Variants in COL6A3 observed in about 807,000 individuals in gnomAD.
The protein encoded by COL6A3 is collagen type VI alpha 3 chain, also known as collagen alpha-3(VI) chain.
In COL6A3, 137 loss-of-function variants were observed where a neutral mutation model predicts 274.1. That is an observed-to-expected ratio of 0.50 (90% CI 0.44 to 0.58). The LOEUF is 0.58. Ranked by LOEUF, COL6A3 falls within the 20% of genes least tolerant of loss-of-function variation. The pLI is 0.00. For synonymous variants in COL6A3, 1,650 were observed against 1,650.6 expected, an observed-to-expected ratio of 1.00 and a Z score of 0.01; for missense variants, 3,950 against 4,124.9, an observed-to-expected ratio of 0.96 and a Z score of 1.16.
Position 237,368,934 on chromosome 2 carries a change from C to G in COL6A3, c.4529G>C (p.Gly1510Ala), listed in dbSNP as rs750636146. 1.2e-6 allele frequency: 2 copies of G among 1,614,090 alleles called. No homozygotes were observed. Among genetic ancestry groups the G allele is most frequent in the Non-Finnish European group, 8.5e-7 (1 of 1,180,038 alleles). Residue 1510 changes from glycine to alanine, a missense_variant, in exon 10 of 44, where the codon GGG becomes GCG. Physicochemically the swap from Gly to Ala is moderately conservative, Grantham distance 60. This residue lies in a region of COL6A3 where 1,934 missense variants were observed against 1,984.3 expected (regional missense o/e 0.97). Transcript: ENST00000295550. This position sits in a 1 kb window ranked among gnomAD's most constrained non-coding sequence, Gnocchi z 4.4. ...CTTGCCAGTGTTCAGTGGGGACCCCCCTCTGAGCCTCAGGCGCCGTATGGC... is the reference window on the plus strand; with the variant it reads ...CTTGCCAGTGTTCAGTGGGGACCCCGCTCTGAGCCTCAGGCGCCGTATGGC... ...LDAIRRLRLR[G>A]GSPLNTGKAL...
Position 237,336,677 on chromosome 2 carries a change from A to C in COL6A3, c.8568-145T>G, listed in dbSNP as rs1700569984. The C allele has an allele frequency of 5.3e-6, 4 of 760,656 alleles. No individual in the cohort carries two copies. In the East Asian group the frequency reaches 1.1e-4, roughly 21 times the overall value. 47.1% of individuals were successfully genotyped at this position (760,656 alleles called of 1,614,324 possible). A position where few individuals can be genotyped will look rare whatever the true frequency, so the allele number is the denominator to read the frequency against. ...ATTATGTATAGCAGTGCATATATTA[A>C]ATTCCTTCTTTTAAGGATCTGTGCC... is the stretch of plus-strand genomic sequence containing the variant. On this transcript the variant is annotated intron_variant, in intron 39 of 43. Transcript: ENST00000295550.
In COL6A3 at chr2:237,336,177, C is replaced by T; in HGVS notation, c.8923G>A (p.Ala2975Thr). The change falls in exon 40 of 44, where the codon GCC becomes ACC. Residue 2975 changes from alanine (A) to threonine (T), a missense_variant. Physicochemically the swap from Ala to Thr is moderately conservative, Grantham distance 58. This residue lies in a region of COL6A3 where 1,284 missense variants were observed against 1,349.7 expected (regional missense o/e 0.95). Transcript: ENST00000295550. ...TKPEVPRPQA[A>T]KPAATKPATT... ...GCTGGCTTGGTGGCAGCTGGTTTGG[C>T]TGCCTGTGGCCTAGGGACCTCAGGC... 1 of 1,613,536 alleles carries T rather than the reference C, an allele frequency of 6.2e-7. No homozygotes were observed. Among genetic ancestry groups the T allele is most frequent in the Non-Finnish European group, 8.5e-7 (1 of 1,179,980 alleles).
chr2:237,381,447 T>G lies in COL6A3; in HGVS notation c.1365A>C (p.Ala455=). Residue 455 remains alanine, a synonymous_variant, in exon 5 of 44, where the codon GCA becomes GCC. Transcript: ENST00000295550. ...DIVFLVDGSS[A]LGLANFNAIR... ...TGGCATTGAAGTTGGCCAGTCCCAG[T>G]GCAGATGAGCCATCCACCAGGAAGA... 6.2e-7 allele frequency: 1 copy of G among 1,610,066 alleles called. No homozygotes were observed.
In COL6A3 at chr2:237,354,912, G is replaced by T. The variant is rs1413329161; in HGVS notation, c.6614C>A (p.Pro2205His). The T allele has an allele frequency of 1.2e-6, 2 of 1,613,798 alleles. No homozygotes were observed. The highest frequency in any genetic ancestry group is 1.1e-5 in the South Asian group (1 of 90,948). ...CATGAGGCTCACCTTAGCTCCGGGG[G>T]GTCCCCTTCGGCCAAAGCCACCCTG... ...GKNGGFGRRGPPGAKGNKGGP... is the reference protein window; with the variant it reads ...GKNGGFGRRGHPGAKGNKGGP... Residue 2205 changes from proline (P) to histidine (H), a missense_variant, in exon 24 of 44, where the codon CCC becomes CAC. Transcript: ENST00000295550.
intron 1 of COL6A3, among the ~76,000 whole-genome samples, chr2:237,403,052 A>T (rs144464352): frequency 3.2e-4 from 48 of 152,330 alleles, no homozygotes; most frequent in African/African-American, 1.1e-3. Flanking sequence ...ACTAGTGTCC[A>T]GATGGACCAC....
rs2076966262 is a variant in COL6A3, at chr2:237,340,620, C to T, written c.8296G>A (p.Gly2766Ser). 1 of 1,614,088 alleles carries T rather than the reference C, an allele frequency of 6.2e-7. No individual in the cohort carries two copies. The highest frequency in any genetic ancestry group is 1.7e-5 in the Admixed American group (1 of 60,008). Reference protein sequence around the residue: ...QRVILQAKCKGYFFVVLGIGR... With the variant: ...QRVILQAKCKSYFFVVLGIGR... ...ATGCCCAGGACCACGAAGAAGTAGC[C>T]CTTGCATTTGGCCTGCAGGATGACT... is the stretch of plus-strand genomic sequence containing the variant. The change falls in exon 38 of 44, where the codon GGC becomes AGC. Residue 2766 changes from glycine to serine, a missense_variant. Transcript: ENST00000295550.
In COL6A3 at chr2:237,364,399, G is replaced by A. The variant is rs777508994; in HGVS notation, c.5868C>T (p.Asp1956=). Residue 1956 remains aspartate (D), a synonymous_variant, in exon 13 of 44, where the codon GAC becomes GAT. Coordinates refer to ENST00000295550, the MANE Select transcript of COL6A3 (RefSeq NM_004369.4). This position sits in a 1 kb window ranked among gnomAD's most constrained non-coding sequence, Gnocchi z 4.6. ...KVVIHFTDGA[D]GDLADLHRAS... Reference sequence around the variant, plus strand: ...CTCTGTGTAAATCAGCCAGATCTCCGTCTGCTCCATCAGTAAAATGAATGA... The same window carrying A: ...CTCTGTGTAAATCAGCCAGATCTCCATCTGCTCCATCAGTAAAATGAATGA... 8.7e-6 allele frequency: 14 copies of A among 1,613,810 alleles called. No homozygotes were observed. Among genetic ancestry groups the A allele is most frequent in the Middle Eastern group, 1.6e-4 (1 of 6,084 alleles).
chr2:237,392,529 C>A (rs542228034), intron 3 of COL6A3, among the ~76,000 whole-genome samples: 35 of 152,192 alleles, frequency 2.3e-4, no homozygotes, highest in Non-Finnish European at 4.7e-4. Context: ...TCACCTCCTA[C>A]CTCCTGTCCC....
chr2:237,348,402 A>G lies in COL6A3; in HGVS notation c.6931-18T>C. ...CTTTCTCCCTATAAAGGAAAAATAG[A>G]TTATTTAATACTTGGTTCTAATTTA... On this transcript the variant is annotated intron_variant, in intron 29 of 43. Transcript: ENST00000295550. The G allele has an allele frequency of 6.4e-7, 1 of 1,574,800 alleles. No homozygotes were observed. Among genetic ancestry groups the G allele is most frequent in the Non-Finnish European group, 8.7e-7 (1 of 1,144,330 alleles).
intron 4 of COL6A3, among the ~76,000 whole-genome samples, chr2:237,382,530 C>T (rs1473669106): frequency 6.6e-6 from 1 of 152,110 alleles, no homozygotes; most frequent in Admixed American, 6.5e-5. Flanking sequence ...GGCACCCTGC[C>T]CATATTGCAA....
chr2:237,381,351 G>A lies in COL6A3; in HGVS notation c.1461C>T (p.Ala487=), dbSNP rs2078000781. 3 of 1,614,154 alleles carry A rather than the reference G, an allele frequency of 1.9e-6. No homozygotes were observed. Among genetic ancestry groups the A allele is most frequent in the East Asian group, 2.2e-5 (1 of 44,878 alleles). Residue 487 remains alanine, a synonymous_variant, in exon 5 of 44, where the codon GCC becomes GCT. Transcript: ENST00000295550. The part of the protein sequence containing the change: ...IGQDLIQVAV[A]QYADTVRPEF... ...CAGGCCTCACAGTGTCTGCATACTG[G>A]GCCACTGCCACCTGGATAAGATCCT...
intron 8 of COL6A3, among the ~76,000 whole-genome samples, chr2:237,373,154 C>T (rs949312459): frequency 2.6e-5 from 4 of 152,022 alleles, no homozygotes; most frequent in Admixed American, 6.6e-5. Flanking sequence ...TGTTCTGGAG[C>T]GCAGGAGAGT....
rs368528974 is a variant in COL6A3, at chr2:237,360,705, G to T, written c.6210+416C>A. The stretch of plus-strand genomic sequence containing the variant: ...ATCCCCAAGACCCTCGGATACTGAT[G>T]ATCTGATCCAGCAACATCCCCTCCA... On this transcript the variant is annotated intron_variant, in intron 16 of 43. Coordinates refer to ENST00000295550, the MANE Select transcript of COL6A3 (RefSeq NM_004369.4). 3.3e-5 allele frequency among the ~76,000 whole-genome samples: 5 copies of T among 152,146 alleles called. No homozygotes were observed. The East Asian group carries it at 9.7e-4, about 29-fold the overall frequency.
Position 237,368,060 on chromosome 2 carries a change from G to A in COL6A3, c.4900+503C>T, listed in dbSNP as rs1354496153. 6.6e-6 allele frequency among the ~76,000 whole-genome samples: 1 copy of A among 152,212 alleles called. No individual in the cohort carries two copies. The highest frequency in any genetic ancestry group is 2.4e-5 in the African/African-American group (1 of 41,460). The stretch of plus-strand genomic sequence containing the variant: ...GAGGGACAAAGAAAAATATGGGCTG[G>A]TGGAGAGATCCACTTTGCTTTTGCA... On this transcript the variant is annotated intron_variant, in intron 10 of 43. Transcript: ENST00000295550. This position sits in a 1 kb window ranked among gnomAD's most constrained non-coding sequence, Gnocchi z 4.4.
At chr2:237,353,681 C>T (rs2077255035) in intron 24 of COL6A3, among the ~76,000 whole-genome samples, 1 of 152,156 alleles carries the variant, frequency 6.6e-6, no homozygotes, top group African/African-American at 2.4e-5. Context: ...AAGCAGAGGA[C>T]CGAGACACCG....
chr2:237,411,825 G>A (rs1489944125), intron 1 of COL6A3, among the ~76,000 whole-genome samples: 1 of 152,162 alleles, frequency 6.6e-6, no homozygotes, highest in Non-Finnish European at 1.5e-5. Context: ...CCTCACCTGT[G>A]GGCCACAACT....
In COL6A3 at chr2:237,344,215, T is replaced by G; in HGVS notation, c.7668+135A>C. On this transcript the variant is annotated intron_variant, in intron 36 of 43. Transcript: ENST00000295550. This position sits in a 1 kb window ranked among gnomAD's most constrained non-coding sequence, Gnocchi z 4.8. ...CCTGGAGACCTCACAAGAGAAGTTCTCAGGCAGATGGCCTCATTGGGGACG... is the reference window on the plus strand; with the variant it reads ...CCTGGAGACCTCACAAGAGAAGTTCGCAGGCAGATGGCCTCATTGGGGACG... The G allele has an allele frequency of 7.4e-7, 1 of 1,357,908 alleles. No individual in the cohort carries two copies. Among genetic ancestry groups the G allele is most frequent in the Non-Finnish European group, 1.0e-6 (1 of 957,762 alleles). 84.1% of individuals were successfully genotyped at this position (1,357,908 alleles called of 1,614,324 possible). A position where few individuals can be genotyped will look rare whatever the true frequency, so the allele number is the denominator to read the frequency against.
chr2:237,400,972 G>A (rs1353977965), intron 1 of COL6A3, among the ~76,000 whole-genome samples: 1 of 152,122 alleles, frequency 6.6e-6, no homozygotes, highest in Non-Finnish European at 1.5e-5. Context: ...CAGAATGAAG[G>A]GGTGGAAAAT....
At chr2:237,353,519 C>T in intron 24 of COL6A3, 116 bp from the exon 25 acceptor site, 1 of 864,322 alleles carries the variant, frequency 1.2e-6, no homozygotes, top group Non-Finnish European at 1.9e-6. Flanking sequence ...GAAAACTCAG[C>T]TCTTCCAGAG....
Sources: gnomAD v4.1 joint callset for allele counts (sites outside exome capture counted in the v4.1 genomes callset) on GRCh38, gnomAD v4.1.1 for gene constraint, gnomAD v4.1.1 regional missense constraint, Gnocchi (gnomAD v3.1) non-coding constraint, MANE v1.5 for transcripts, NCBI Gene and HGNC (gene_info 2026-07-23, HGNC 2026-07-21) for gene names.